Variants in TMEM18 observed in about 807,000 individuals in gnomAD.
TMEM18 encodes transmembrane protein 18.
In TMEM18, 14 loss-of-function variants were observed where a neutral mutation model predicts 17.4. The ratio of observed to expected loss-of-function variants is 0.80; its 90% CI spans 0.53 to 1.25. TMEM18 has a LOEUF of 1.25. TMEM18 is among the 50% of genes most tolerant of loss of function. The pLI is 0.00. For synonymous variants in TMEM18, 86 were observed against 66.1 expected (o/e 1.30, Z -1.46); for missense variants, 187 against 172.1 (o/e 1.09, Z -0.48).
In TMEM18 at chr2:672,846, A is replaced by G. The variant is rs2103092451; in HGVS notation, c.195T>C (p.Cys65=). Residue 65 remains cysteine (C), a synonymous_variant, in exon 3 of 5, where the codon TGT becomes TGC. Coordinates refer to ENST00000281017, the MANE Select transcript of TMEM18 (RefSeq NM_152834.4). ...HFLCLVILVY[C]AEYINEAAAM... ...CAGCCGCCTCATTGATGTATTCAGC[A>G]CAGTAGACTAAGATGACTGAAAAAA... 2.0e-6 allele frequency: 3 copies of G among 1,506,818 alleles called. No homozygotes were observed. In the East Asian group the frequency reaches 8.1e-5, roughly 41 times the overall value. 93.3% of individuals were successfully genotyped at this position (1,506,818 alleles called of 1,614,324 possible).
In TMEM18 at chr2:669,506, G is replaced by A; in HGVS notation, c.*74C>T. On this transcript the variant is annotated 3_prime_UTR_variant, in exon 5 of 5. Coordinates refer to ENST00000281017, the MANE Select transcript of TMEM18 (RefSeq NM_152834.4). ...ATGAGTCAGCTGGAAGGATGCCCAC[G>A]CCACGCACACTGCAGCACTGGGAGC... 1 of 1,441,932 alleles carries A rather than the reference G, an allele frequency of 6.9e-7. No individual in the cohort carries two copies. Among genetic ancestry groups the A allele is most frequent in the South Asian group, 1.2e-5 (1 of 83,786 alleles). The allele number at this position is 1,441,932 out of a possible 1,614,324, so 89.3% of individuals were successfully genotyped here.
chr2:675,194 C>T (rs1310660215), intron 2 of TMEM18, among the ~76,000 whole-genome samples: 1 of 152,244 alleles, frequency 6.6e-6, no homozygotes, highest in Non-Finnish European at 1.5e-5. Flanking sequence ...TGCATGAGCA[C>T]AGCTGCCACC....
chr2:677,149 T>G, intron 1 of TMEM18, 140 bp downstream of exon 1: 1 of 1,106,336 alleles, frequency 9.0e-7, no homozygotes, highest in Non-Finnish European at 1.3e-6. Flanking sequence ...CTCAGGACCC[T>G]GCCCAGCGCG....
chr2:664,425 T>C lies in TMEM18; in HGVS notation c.*5155A>G, dbSNP rs1678623278. ...TATATGTGTTACCAATTTTAACACATAAAATTAGAAATAGGTTTTTTAAAG... is the reference window on the plus strand; with the variant it reads ...TATATGTGTTACCAATTTTAACACACAAAATTAGAAATAGGTTTTTTAAAG... On this transcript the variant is annotated 3_prime_UTR_variant, in exon 5 of 5. Transcript: ENST00000281017. Among the ~76,000 whole-genome samples the C allele has an allele frequency of 6.6e-6, 1 of 152,060 alleles. No homozygotes were observed. The highest frequency in any genetic ancestry group is 1.9e-4 in the East Asian group (1 of 5,204).
At chr2:676,492 C>A in intron 1 of TMEM18, 1 of 1,507,484 alleles carries the variant, frequency 6.6e-7, no homozygotes, top group Non-Finnish European at 9.0e-7. Flanking sequence ...TCACTACTCT[C>A]TGCTGGGGAC....
At chr2:672,689 G>T in intron 3 of TMEM18, 119 bp downstream of exon 3, 1 of 889,352 alleles carries the variant, frequency 1.1e-6, no homozygotes, top group Non-Finnish European at 1.6e-6. Context: ...CACGGGCACG[G>T]GCTGTGCACA....
In TMEM18 at chr2:675,494, G is replaced by C. The variant is rs774413521; in HGVS notation, c.178+16C>G. On this transcript the variant is annotated intron_variant, in intron 2 of 4. Coordinates refer to ENST00000281017, the MANE Select transcript of TMEM18 (RefSeq NM_152834.4). Reference sequence around the variant, plus strand: ...CACAGTGATCTGAGTTGTGGAGTTTGTGTTGTTTTACTCACCTAGACACAG... The same window carrying C: ...CACAGTGATCTGAGTTGTGGAGTTTCTGTTGTTTTACTCACCTAGACACAG... 8 of 1,614,178 alleles carry C rather than the reference G, an allele frequency of 5.0e-6. No individual in the cohort carries two copies. The highest frequency in any genetic ancestry group is 5.9e-6 in the Non-Finnish European group (7 of 1,180,002).
At chr2:670,603 G>A (rs1678815998) in intron 3 of TMEM18, 2 of 152,512 alleles carry the variant, frequency 1.3e-5, no homozygotes. Context: ...ATGAGCATGG[G>A]GCTCCCGCCT....
chr2:675,734 C>A (rs1678987403), intron 1 of TMEM18, 104 bp from the exon 2 acceptor site: 1 of 1,541,808 alleles, frequency 6.5e-7, no homozygotes. Flanking sequence ...GCCTCTCACT[C>A]CTGAGTCCTC....
At position 667,753 on chromosome 2, in the gene TMEM18, G is replaced by C. The variant is rs1029559847; in HGVS notation, c.*1827C>G. 9.9e-5 allele frequency: 15 copies of C among 152,182 alleles called. No individual in the cohort carries two copies. The highest frequency in any genetic ancestry group is 1.9e-4 in the Non-Finnish European group (13 of 68,034). 9.4% of individuals were successfully genotyped at this position (152,182 alleles called of 1,614,324 possible). Reference sequence around the variant, plus strand: ...CAAAATATAACTGTTCCAAAACACAGACACACACATGCAGAATGAAAATCA... The same window carrying C: ...CAAAATATAACTGTTCCAAAACACACACACACACATGCAGAATGAAAATCA... On this transcript the variant is annotated 3_prime_UTR_variant, in exon 5 of 5. Coordinates refer to ENST00000281017, the MANE Select transcript of TMEM18 (RefSeq NM_152834.4).
chr2:675,723 G>C (rs1210885776), intron 1 of TMEM18, 93 bp from the exon 2 acceptor site: 1 of 1,554,368 alleles, frequency 6.4e-7, no homozygotes, highest in African/African-American at 1.4e-5. Context: ...AGGAGGCAGG[G>C]GCCTCTCACT....
In TMEM18 at chr2:672,847, CAGT is replaced by C. The variant is rs941590064; in HGVS notation, c.191_193del (p.Tyr64del). On this transcript the variant is annotated inframe_deletion, in exon 3 of 5. Coordinates refer to ENST00000281017, the MANE Select transcript of TMEM18 (RefSeq NM_152834.4). Reference sequence around the variant, plus strand: ...AGCCGCCTCATTGATGTATTCAGCACAGTAGACTAAGATGACTGAAAAAAGGTA... The same window carrying C: ...AGCCGCCTCATTGATGTATTCAGCACAGACTAAGATGACTGAAAAAAGGTA... The C allele has an allele frequency of 2.7e-6, 4 of 1,506,678 alleles. No homozygotes were observed. Among genetic ancestry groups the C allele is most frequent in the Non-Finnish European group, 3.5e-6 (4 of 1,140,718 alleles). 93.3% of individuals were successfully genotyped at this position (1,506,678 alleles called of 1,614,324 possible). A position where few individuals can be genotyped will look rare whatever the true frequency, so the allele number is the denominator to read the frequency against.
intron 3 of TMEM18, among the ~76,000 whole-genome samples, chr2:671,371 A>G (rs1411872225): frequency 6.6e-6 from 1 of 151,946 alleles, no homozygotes; most frequent in Non-Finnish European, 1.5e-5. Context: ...GGACTGAACC[A>G]TGTGAAGGCC....
At position 669,374 on chromosome 2, in the gene TMEM18, C is replaced by T; in HGVS notation, c.*206G>A. 1 of 599,790 alleles carries T rather than the reference C, an allele frequency of 1.7e-6. No homozygotes were observed. The highest frequency in any genetic ancestry group is 2.8e-5 in the East Asian group (1 of 36,294). The allele number at this position is 599,790 out of a possible 1,614,324, so 37.2% of individuals were successfully genotyped here. A position where few individuals can be genotyped will look rare whatever the true frequency, so the allele number is the denominator to read the frequency against. ...CAGCCTGACTACAAAGATCAGGCACCTGAAGACGCATGTCCTGATGGATAC... is the reference window on the plus strand; with the variant it reads ...CAGCCTGACTACAAAGATCAGGCACTTGAAGACGCATGTCCTGATGGATAC... On this transcript the variant is annotated 3_prime_UTR_variant, in exon 5 of 5. Transcript: ENST00000281017.
At position 665,737 on chromosome 2, in the gene TMEM18, C is replaced by A. The variant is rs187414604; in HGVS notation, c.*3843G>T. 5.3e-5 allele frequency among the ~76,000 whole-genome samples: 8 copies of A among 151,236 alleles called. No individual in the cohort carries two copies. In the Middle Eastern group the frequency reaches 0.01, roughly 197 times the overall value. The stretch of plus-strand genomic sequence containing the variant: ...AACAGGACCCAGAGATGCAGATGCC[C>A]CACTCACTCAGATGGAGCATCAACC... On this transcript the variant is annotated 3_prime_UTR_variant, in exon 5 of 5. Coordinates refer to ENST00000281017, the MANE Select transcript of TMEM18 (RefSeq NM_152834.4).
rs1361050598 is a variant in TMEM18 at position 666,949 on chromosome 2, GTCTT to G, written c.*2627_*2630del. On this transcript the variant is annotated 3_prime_UTR_variant, in exon 5 of 5. Coordinates refer to ENST00000281017, the MANE Select transcript of TMEM18 (RefSeq NM_152834.4). ...ATATCTCTGACGGCAATTCTCGTCT[GTCTT>G]TAAGCATCCCACTCAACTTCGCGCC... Among the ~76,000 whole-genome samples the G allele has an allele frequency of 6.6e-6, 1 of 151,398 alleles. No homozygotes were observed. The highest frequency in any genetic ancestry group is 2.4e-5 in the African/African-American group (1 of 41,160).
At chr2:675,224 A>C (rs1678966465) in intron 2 of TMEM18, among the ~76,000 whole-genome samples, 2 of 152,224 alleles carry the variant, frequency 1.3e-5, no homozygotes, top group Admixed American at 6.5e-5. Context: ...TCTTGTGTAA[A>C]AGACAGCACT....
intron 3 of TMEM18, 88 bp from the exon 4 acceptor site, chr2:669,938 G>A: frequency 9.4e-7 from 1 of 1,064,158 alleles, no homozygotes; most frequent in Non-Finnish European, 1.4e-6. Flanking sequence ...ACTTTGGAGA[G>A]AGCTGATGTG....
chr2:676,499 G>A, intron 1 of TMEM18: 1 of 1,513,668 alleles, frequency 6.6e-7, no homozygotes, highest in Middle Eastern at 1.7e-4. Context: ...TCTCTGCTGG[G>A]GACCGCAGCG....
Sources: gnomAD v4.1 joint callset for allele counts (sites outside exome capture counted in the v4.1 genomes callset) on GRCh38, gnomAD v4.1.1 for gene constraint, MANE v1.5 for transcripts, NCBI Gene and HGNC (gene_info 2026-07-23, HGNC 2026-07-21) for gene names.